Variants in DHRS7B observed in about 807,000 individuals in gnomAD.
The protein encoded by DHRS7B is peroxisomal reductase activating PPAR-gamma.
In DHRS7B, 24 loss-of-function variants were observed where a neutral mutation model predicts 26.4. That is an observed-to-expected ratio of 0.91 (90% CI 0.66 to 1.28). DHRS7B has a LOEUF of 1.28. Ranked by LOEUF, DHRS7B falls within the 50% of genes most tolerant of loss-of-function variation. DHRS7B has a pLI of 0.00. For missense variants in DHRS7B, 368 were observed against 419.4 expected, an observed-to-expected ratio of 0.88 and a Z score of 1.07; for synonymous variants, 142 against 166.4, an observed-to-expected ratio of 0.85 and a Z score of 1.13.
At chr17:21,179,916 G>C (rs1382652204) in intron 3 of DHRS7B, among the ~76,000 whole-genome samples, 1 of 149,262 alleles carries the variant, frequency 6.7e-6, no homozygotes, top group Non-Finnish European at 1.5e-5. Flanking sequence ...ACTGGCATGC[G>C]CCACCACGCC....
At chr17:21,158,721 G>A (rs1973931407) in intron 1 of DHRS7B, among the ~76,000 whole-genome samples, 1 of 152,126 alleles carries the variant, frequency 6.6e-6, no homozygotes, top group African/African-American at 2.4e-5. Flanking sequence ...AAAGGCAAAA[G>A]ACCAAGAATA....
intron 3 of DHRS7B, among the ~76,000 whole-genome samples, chr17:21,179,578 TGACAGAGCGA>T (rs1443849819): frequency 2.0e-5 from 3 of 152,030 alleles, no homozygotes; most frequent in African/African-American, 7.2e-5. Context: ...CCACCCTGGG[TGACAGAGCGA>T]GACTCTGTCT....
intron 1 of DHRS7B, among the ~76,000 whole-genome samples, chr17:21,164,254 C>T (rs990520705): frequency 6.6e-6 from 1 of 151,872 alleles, no homozygotes; most frequent in East Asian, 1.9e-4. Context: ...TGGTCTCAAA[C>T]TCCTGGGCTC....
chr17:21,153,950 T>C (rs901453572), intron 1 of DHRS7B, among the ~76,000 whole-genome samples: 5 of 151,466 alleles, frequency 3.3e-5, no homozygotes, highest in Non-Finnish European at 7.4e-5. Context: ...AAATCAAAGA[T>C]AAAGAAAAAG....
At chr17:21,150,373 T>C (rs1973743482) in intron 1 of DHRS7B, among the ~76,000 whole-genome samples, 1 of 152,130 alleles carries the variant, frequency 6.6e-6, no homozygotes, top group South Asian at 2.1e-4. Context: ...TCCCAGCACT[T>C]TGGGAGGCTG....
intron 2 of DHRS7B, among the ~76,000 whole-genome samples, chr17:21,177,230 C>T (rs929290356): frequency 1.3e-5 from 2 of 152,206 alleles, no homozygotes; most frequent in Admixed American, 6.5e-5. Flanking sequence ...GGCCTGCCCG[C>T]GTGTGAGAGC....
chr17:21,182,317 C>T (rs1032650032), intron 3 of DHRS7B, among the ~76,000 whole-genome samples: 2 of 151,802 alleles, frequency 1.3e-5, no homozygotes, highest in African/African-American at 4.8e-5. Flanking sequence ...GGTGCGATCT[C>T]GGCTCACCAC....
intron 1 of DHRS7B, among the ~76,000 whole-genome samples, chr17:21,164,488 T>C (rs759990094): frequency 6.6e-6 from 1 of 152,228 alleles, no homozygotes; most frequent in Non-Finnish European, 1.5e-5. Flanking sequence ...GCTGTTGTTA[T>C]ATGTAATTTT....
At chr17:21,127,081 C>A in intron 1 of DHRS7B, 90 bp downstream of exon 1, 1 of 1,369,162 alleles carries the variant, frequency 7.3e-7, no homozygotes, top group Non-Finnish European at 9.6e-7. Context: ...TGAGGGGAAG[C>A]GGTGTAGTGG....
intron 1 of DHRS7B, among the ~76,000 whole-genome samples, chr17:21,151,497 T>C (rs554693691): frequency 1.4e-5 from 2 of 139,482 alleles, no homozygotes; most frequent in East Asian, 4.1e-4. Flanking sequence ...TGGATGACAG[T>C]GTGAGACTCT....
chr17:21,132,152 A>G (rs1393529891), intron 1 of DHRS7B, among the ~76,000 whole-genome samples: 7 of 152,084 alleles, frequency 4.6e-5, no homozygotes, highest in African/African-American at 1.7e-4. Context: ...TGGGGTAGCT[A>G]CATGGTTGGA....
chr17:21,165,036 A>G (rs757319883), intron 1 of DHRS7B, among the ~76,000 whole-genome samples: 58 of 152,232 alleles, frequency 3.8e-4, no homozygotes, highest in Admixed American at 3.9e-4. Flanking sequence ...ACAGTTGTTC[A>G]AGATTTTCAT....
intron 6 of DHRS7B, among the ~76,000 whole-genome samples, chr17:21,190,284 G>A (rs1974747031): frequency 6.6e-6 from 1 of 152,166 alleles, no homozygotes; most frequent in African/African-American, 2.4e-5. Context: ...AGGAACATCA[G>A]TTGCCGTTAA....
At chr17:21,136,877 G>GT (rs1442431995) in intron 1 of DHRS7B, among the ~76,000 whole-genome samples, 4 of 151,908 alleles carry the variant, frequency 2.6e-5, no homozygotes, top group Non-Finnish European at 1.5e-5. Flanking sequence ...TTTAATCTCA[G>GT]TTTTTTTATT....
intron 1 of DHRS7B, 77 bp downstream of exon 1, chr17:21,127,068 G>C (rs1973115418): frequency 1.4e-6 from 2 of 1,412,254 alleles, no homozygotes; most frequent in East Asian, 6.0e-5. Context: ...GCCCCGGCTT[G>C]GGTGAGGGGA....
chr17:21,136,503 T>G (rs1402749984), intron 1 of DHRS7B, among the ~76,000 whole-genome samples: 2 of 151,566 alleles, frequency 1.3e-5, no homozygotes, highest in Non-Finnish European at 2.9e-5. Context: ...TGAATGAAAC[T>G]CCGTCTCAAA....
chr17:21,144,007 C>T (rs1973586145), intron 1 of DHRS7B, among the ~76,000 whole-genome samples: 1 of 152,204 alleles, frequency 6.6e-6, no homozygotes, highest in Admixed American at 6.5e-5. Flanking sequence ...CACCTGTGGA[C>T]AGGTCAAGTG....
At chr17:21,171,488 G>A (rs1974245969) in intron 1 of DHRS7B, among the ~76,000 whole-genome samples, 1 of 152,208 alleles carries the variant, frequency 6.6e-6, no homozygotes, top group Non-Finnish European at 1.5e-5. Flanking sequence ...AAGTCCATCT[G>A]TGGCCCTCAC....
intron 1 of DHRS7B, among the ~76,000 whole-genome samples, chr17:21,146,014 TTAC>T (rs1166099745): frequency 3.3e-5 from 5 of 152,214 alleles, no homozygotes; most frequent in Non-Finnish European, 7.3e-5. Context: ...TTCGTTCTCT[TTAC>T]TGTTTCTTAT....
Sources: gnomAD v4.1 joint callset for allele counts (sites outside exome capture counted in the v4.1 genomes callset) on GRCh38, gnomAD v4.1.1 for gene constraint, MANE v1.5 for transcripts, NCBI Gene and HGNC (gene_info 2026-07-23, HGNC 2026-07-21) for gene names.